Variants in KIR3DL1 observed in about 807,000 individuals in gnomAD.
KIR3DL1 encodes the protein killer cell immunoglobulin-like receptor 3DL1.
In KIR3DL1, 50 loss-of-function variants were observed where a neutral mutation model predicts 40.3. The ratio of observed to expected loss-of-function variants is 1.24; its 90% confidence interval spans 0.99 to 1.57. The LOEUF (loss-of-function observed/expected upper bound fraction) is 1.57, where lower values mean the gene tolerates loss of function less well. Ranked by LOEUF, KIR3DL1 falls within the 40% of genes most tolerant of loss-of-function variation. The pLI is 0.00. For missense variants in KIR3DL1, 661 were observed against 559.9 expected, an observed-to-expected ratio of 1.18 and a Z score of -1.82; for synonymous variants, 257 against 207.2, an observed-to-expected ratio of 1.24 and a Z score of -2.07.
At chr19:54,828,831 A>G (rs2062046689) in intron 6 of KIR3DL1, among the ~76,000 whole-genome samples, 1 of 142,916 alleles carries the variant, frequency 7.0e-6, no homozygotes, top group South Asian at 2.5e-4. Flanking sequence ...GAAGCATGGC[A>G]CCAGCATCTA....
rs892094096 is a variant in KIR3DL1 at position 54,830,078 on chromosome 19, T to C, written c.1159-21T>C. ...CTCACTCAGCATTTCCCTCCCTCAC[T>C]CAGCATTTCCCTCTCTCCAGGACTC... is the stretch of plus-strand genomic sequence containing the variant. On this transcript the variant is annotated intron_variant, in intron 8 of 8. Transcript: ENST00000391728. 2.0e-6 allele frequency: 3 copies of C among 1,518,506 alleles called. No individual in the cohort carries two copies. The African/African-American group carries it at 4.2e-5, about 21-fold the overall frequency. The allele number at this position is 1,518,506 out of a possible 1,614,324, so 94.1% of individuals were successfully genotyped here.
chr19:54,822,085 G>A (rs1329425601), intron 5 of KIR3DL1, among the ~76,000 whole-genome samples: 1 of 150,974 alleles, frequency 6.6e-6, no homozygotes, highest in Non-Finnish European at 1.5e-5. Context: ...GATGGAGAAA[G>A]CGGTCAGGAC....
chr19:54,828,619 C>A (rs1174024051), intron 6 of KIR3DL1, among the ~76,000 whole-genome samples: 3 of 150,592 alleles, frequency 2.0e-5, no homozygotes, highest in Non-Finnish European at 4.4e-5. Context: ...ACCCTGGAGC[C>A]ACAGGAAGCA....
At chr19:54,825,226 G>A (rs1212443358) in intron 6 of KIR3DL1, 148 bp downstream of exon 6, 2 of 750,482 alleles carry the variant, frequency 2.7e-6, no homozygotes, top group South Asian at 3.1e-5. Flanking sequence ...ACAGTGAAAG[G>A]GATCTAGGGC....
chr19:54,819,806 T>G lies in KIR3DL1; in HGVS notation c.449T>G (p.Phe150Cys), dbSNP rs748716415. The change falls in exon 4 of 9, where the codon TTT becomes TGT. Residue 150 changes from phenylalanine (F) to cysteine (C), a missense_variant. By Grantham distance (205) the Phe-to-Cys change is radical. This residue lies in a region of KIR3DL1 where 548 missense variants were observed against 413.3 expected (regional missense o/e 1.33). Transcript: ENST00000391728. ...CTGCAATGTTGGTCAGATATCATGTTTGAGCACTTCTTTCTGCACAAAGAG... is the reference window on the plus strand; with the variant it reads ...CTGCAATGTTGGTCAGATATCATGTGTGAGCACTTCTTTCTGCACAAAGAG... 33 of 1,611,820 alleles carry G rather than the reference T, an allele frequency of 2.0e-5. 2 individuals carry two copies. The highest frequency in any genetic ancestry group is 5.0e-5 in the Admixed American group (3 of 59,920).
chr19:54,824,833 C>T (rs528429153), intron 5 of KIR3DL1, among the ~76,000 whole-genome samples, 195 bp from the exon 6 acceptor site: 7 of 150,134 alleles, frequency 4.7e-5, no homozygotes, highest in Admixed American at 3.3e-4. Context: ...GTGTGATGCT[C>T]CTGTTTTCTC....
At position 54,817,235 on chromosome 19, in the gene KIR3DL1, A is replaced by G. The variant is rs1273114402; in HGVS notation, c.35-299A>G. Among the ~76,000 whole-genome samples the G allele has an allele frequency of 5.6e-5, 8 of 143,330 alleles. 1 individual carries two copies. The highest frequency in any genetic ancestry group is 2.1e-4 in the African/African-American group (8 of 37,410). 94.0% of individuals were successfully genotyped at this position (143,330 alleles called of 152,430 possible). On this transcript the variant is annotated intron_variant, in intron 1 of 8. Transcript: ENST00000391728. ...TGAGATAGGAGCCTGGAGTGGAGAT[A>G]TGGGCCTGGAGTGGACTTACCAGCC...
chr19:54,820,436 G>C lies in KIR3DL1; in HGVS notation c.655+424G>C, dbSNP rs542232145. The stretch of plus-strand genomic sequence containing the variant: ...GTTGGGCCCTGTGGCCTCAGGCCTT[G>C]TGCCACCTACAGATGCCGTGTTTAT... On this transcript the variant is annotated intron_variant, in intron 4 of 8. Transcript: ENST00000391728. Among the ~76,000 whole-genome samples the C allele has an allele frequency of 3.9e-3, 593 of 151,574 alleles. 16 individuals carry two copies. Among genetic ancestry groups the C allele is most frequent in the African/African-American group, 0.013 (546 of 41,130 alleles).
chr19:54,828,950 G>A (rs1427072018), intron 6 of KIR3DL1, among the ~76,000 whole-genome samples: 1 of 140,620 alleles, frequency 7.1e-6, no homozygotes, highest in Non-Finnish European at 1.6e-5. Context: ...AGGGGGAGGG[G>A]GAGCAATGGA....
At chr19:54,819,683 G>C (rs1251462561) in intron 3 of KIR3DL1, 30 bp from the exon 4 acceptor site, 1 of 1,596,686 alleles carries the variant, frequency 6.3e-7, no homozygotes, top group East Asian at 2.3e-5. Flanking sequence ...AAAGAGAGAT[G>C]CCTTCTAAAC....
chr19:54,826,199 T>C lies in KIR3DL1; in HGVS notation c.1000+1121T>C, dbSNP rs1190987492. ...TGAACAAGATGCATTTGGCCTCTGCTCTTGGGACACTGATATTGCAGATGG... is the reference window on the plus strand; with the variant it reads ...TGAACAAGATGCATTTGGCCTCTGCCCTTGGGACACTGATATTGCAGATGG... On this transcript the variant is annotated intron_variant, in intron 6 of 8. Coordinates refer to ENST00000391728, the Ensembl canonical transcript of KIR3DL1. 2.6e-3 allele frequency among the ~76,000 whole-genome samples: 374 copies of C among 146,432 alleles called. 5 individuals carry two copies. The highest frequency in any genetic ancestry group is 7.9e-4 in the East Asian group (4 of 5,046).
At chr19:54,830,163 A>T (rs1389595754) in exon 9 of KIR3DL1, 1 of 1,524,468 alleles carries the variant, frequency 6.6e-7, no homozygotes, top group African/African-American at 1.4e-5. Flanking sequence ...GTTTTCACAC[A>T]GAGAAAAATC....
chr19:54,829,131 G>C (rs535054918), intron 6 of KIR3DL1, among the ~76,000 whole-genome samples: 1 of 145,060 alleles, frequency 6.9e-6, no homozygotes, highest in South Asian at 2.4e-4. Context: ...TTCAATGTGA[G>C]GTTTGAAGGG....
intron 5 of KIR3DL1, among the ~76,000 whole-genome samples, chr19:54,823,156 T>C (rs2061722880): frequency 6.6e-6 from 1 of 150,938 alleles, no homozygotes; most frequent in Non-Finnish European, 1.5e-5. Context: ...TGACTCAGCC[T>C]CCCTAGTAGC....
In KIR3DL1 at chr19:54,830,594, C is replaced by G. The variant is rs111709480; in HGVS notation, c.*319C>G. 2,458 of 379,848 alleles carry G rather than the reference C, an allele frequency of 6.5e-3. 222 individuals are homozygous for G. Among genetic ancestry groups the G allele is most frequent in the African/African-American group, 0.046 (2,205 of 48,086 alleles). The allele number at this position is 379,848 out of a possible 1,614,324, so 23.5% of individuals were successfully genotyped here. On this transcript the variant is annotated 3_prime_UTR_variant, in exon 9 of 9. Coordinates refer to ENST00000391728, the Ensembl canonical transcript of KIR3DL1. ...GGCTGCAATCACACTGAGGAACTCACAATTCCAAACATACAAGAGGCTCCC... is the reference window on the plus strand; with the variant it reads ...GGCTGCAATCACACTGAGGAACTCAGAATTCCAAACATACAAGAGGCTCCC...
At chr19:54,829,515 C>A in intron 7 of KIR3DL1, 50 bp downstream of exon 7, 1 of 1,338,044 alleles carries the variant, frequency 7.5e-7, no homozygotes, top group Non-Finnish European at 1.0e-6. Flanking sequence ...TGTGGGGAAG[C>A]AGGATGGGAG....
intron 3 of KIR3DL1, among the ~76,000 whole-genome samples, chr19:54,818,904 C>T (rs2061492643): frequency 6.6e-6 from 1 of 150,468 alleles, no homozygotes; most frequent in Non-Finnish European, 1.5e-5. Flanking sequence ...TCCCACTGGG[C>T]TCAGTGTAAT....
intron 6 of KIR3DL1, among the ~76,000 whole-genome samples, chr19:54,828,230 T>C (rs2062011613): frequency 6.6e-6 from 1 of 151,236 alleles, no homozygotes; most frequent in Admixed American, 6.6e-5. Context: ...TTATATTGAT[T>C]TCACTTTTGT....
intron 6 of KIR3DL1, among the ~76,000 whole-genome samples, chr19:54,827,816 T>A (rs2061983204): frequency 6.6e-6 from 1 of 150,582 alleles, no homozygotes; most frequent in African/African-American, 2.5e-5. Flanking sequence ...GAAAGCCCGC[T>A]GAATCCTCCA....
Sources: gnomAD v4.1 joint callset for allele counts (sites outside exome capture counted in the v4.1 genomes callset) on GRCh38, gnomAD v4.1.1 for gene constraint, gnomAD v4.1.1 regional missense constraint, MANE v1.5 for transcripts, NCBI Gene and HGNC (gene_info 2026-07-23, HGNC 2026-07-21) for gene names.